The following ZBTB20 variants were observed in gnomAD, a reference collection of about 807,000 sequenced individuals.
ZBTB20 encodes the protein zinc finger and BTB domain-containing protein 20.
In ZBTB20, 9 loss-of-function variants were observed where a neutral mutation model predicts 56.9. The ratio of observed to expected loss-of-function variants is 0.16; its 90% CI spans 0.10 to 0.28. ZBTB20 has a LOEUF of 0.28. Among genes scored for constraint, ZBTB20 ranks in the 10% least tolerant of loss-of-function variants. ZBTB20 has a pLI of 1.00. For synonymous variants in ZBTB20, 417 were observed against 420.7 expected (o/e 0.99, Z 0.11); for missense variants, 655 against 1,003.0 (o/e 0.65, Z 4.69).
In ZBTB20 at chr3:114,380,944, T is replaced by A; in HGVS notation, c.-153-4A>T. 2.0e-6 allele frequency: 1 copy of A among 493,254 alleles called. No individual in the cohort carries two copies. Among genetic ancestry groups the A allele is most frequent in the Non-Finnish European group, 3.3e-6 (1 of 301,130 alleles). 30.6% of individuals were successfully genotyped at this position (493,254 alleles called of 1,614,324 possible). On this transcript the variant is annotated splice_polypyrimidine_tract_variant and splice_region_variant and intron_variant, in intron 8 of 11. Transcript: ENST00000675478. ...CTCTGGGCTTCAGTTTCCTCATCTG[T>A]AAAATAAAGGGCTTGGATTAGAAGG...
chr3:114,888,045 C>T (rs2076665418), intron 4 of ZBTB20, among the ~76,000 whole-genome samples: 1 of 151,208 alleles, frequency 6.6e-6, no homozygotes, highest in African/African-American at 2.4e-5. Flanking sequence ...TCTTCTGATC[C>T]AATCCTTTCA....
chr3:114,500,531 T>C (rs143706685), intron 6 of ZBTB20, 140 bp from the exon 7 acceptor site: 4 of 152,334 alleles, frequency 2.6e-5, no homozygotes, highest in East Asian at 1.9e-4. Context: ...TAAAGGAGCC[T>C]ATTTTGTCAC....
intron 6 of ZBTB20, among the ~76,000 whole-genome samples, chr3:114,690,673 T>G (rs76506024): frequency 0.057 from 8,658 of 152,232 alleles, 335 homozygotes; most frequent in Middle Eastern, 0.14. Flanking sequence ...CCCAAACATG[T>G]TGTTTAAAAA....
intron 5 of ZBTB20, among the ~76,000 whole-genome samples, chr3:114,700,106 C>T (rs2108368339): frequency 6.6e-6 from 1 of 152,058 alleles, no homozygotes; most frequent in East Asian, 1.9e-4. Flanking sequence ...GTTGCTTCTC[C>T]TTTTCCTTGT....
chr3:114,800,286 A>G (rs1327197410), intron 5 of ZBTB20, among the ~76,000 whole-genome samples: 1 of 151,852 alleles, frequency 6.6e-6, no homozygotes, highest in Non-Finnish European at 1.5e-5. Context: ...TTCACCAACT[A>G]TAAGCTTCTG....
chr3:114,367,753 T>C (rs1159054068), intron 10 of ZBTB20, among the ~76,000 whole-genome samples: 2 of 151,448 alleles, frequency 1.3e-5, no homozygotes, highest in Non-Finnish European at 1.5e-5. Context: ...AATAAGATTA[T>C]GCATATTAGT....
intron 2 of ZBTB20, among the ~76,000 whole-genome samples, chr3:114,998,028 G>A (rs1392007539): frequency 6.6e-6 from 1 of 151,642 alleles, no homozygotes; most frequent in African/African-American, 2.4e-5. Flanking sequence ...AGCATGTTTT[G>A]ATATAACTAT....
intron 6 of ZBTB20, among the ~76,000 whole-genome samples, chr3:114,677,956 T>G: frequency 6.6e-6 from 1 of 152,222 alleles, no homozygotes; most frequent in Non-Finnish European, 1.5e-5. Flanking sequence ...GGCAAGGAAC[T>G]GTTTTAATTA....
chr3:114,326,111 C>T lies in ZBTB20; in HGVS notation c.*12894G>A, dbSNP rs1461363698. ...GAAATGGCTAGAAAAGCAACAACTA[C>T]AATGATAAAAATCAACAGATCAATT... On this transcript the variant is annotated 3_prime_UTR_variant, in exon 12 of 12. Transcript: ENST00000675478. The T allele has an allele frequency of 1.3e-5, 2 of 152,162 alleles. No homozygotes were observed. Among genetic ancestry groups the T allele is most frequent in the African/African-American group, 4.8e-5 (2 of 41,442 alleles). The allele number at this position is 152,162 out of a possible 1,614,324, so 9.4% of individuals were successfully genotyped here.
At chr3:114,996,896 T>C (rs1216578083) in intron 2 of ZBTB20, among the ~76,000 whole-genome samples, 1 of 151,960 alleles carries the variant, frequency 6.6e-6, no homozygotes, top group African/African-American at 2.4e-5. Context: ...TCATCATCAC[T>C]GGTCATTAGA....
chr3:114,636,217 T>C (rs1489266224), intron 6 of ZBTB20, among the ~76,000 whole-genome samples: 1 of 152,072 alleles, frequency 6.6e-6, no homozygotes, highest in African/African-American at 2.4e-5. Context: ...AAAGAAGAGG[T>C]AAAGACTTTC....
In ZBTB20 at chr3:115,036,571, C is replaced by T. The variant is rs1010362094; in HGVS notation, c.-507+34648G>A. Among the ~76,000 whole-genome samples the T allele has an allele frequency of 3.7e-4, 57 of 152,170 alleles. 1 individual carries two copies. The highest frequency in any genetic ancestry group is 1.4e-3 in the African/African-American group (57 of 41,448). ...CTGGGACTACAGGTGCGTGCCATCACGCCCAGCTAACTTTTGTATTTTTAG... is the reference window on the plus strand; with the variant it reads ...CTGGGACTACAGGTGCGTGCCATCATGCCCAGCTAACTTTTGTATTTTTAG... On this transcript the variant is annotated intron_variant, in intron 2 of 11. Transcript: ENST00000675478.
At chr3:114,708,228 C>T (rs903397465) in intron 5 of ZBTB20, among the ~76,000 whole-genome samples, 2 of 152,052 alleles carry the variant, frequency 1.3e-5, no homozygotes, top group Non-Finnish European at 2.9e-5. Flanking sequence ...TAAGTGTTAA[C>T]CTTAAGGTAA....
intron 6 of ZBTB20, among the ~76,000 whole-genome samples, chr3:114,565,687 T>C (rs555066836): frequency 6.6e-6 from 1 of 152,344 alleles, no homozygotes; most frequent in African/African-American, 2.4e-5. Context: ...TTCTCCAGTA[T>C]ACCATGCGGT....
chr3:115,090,257 C>G (rs758184331), intron 1 of ZBTB20, among the ~76,000 whole-genome samples: 5 of 151,674 alleles, frequency 3.3e-5, no homozygotes, highest in Admixed American at 6.6e-5. Context: ...AATAATGGAG[C>G]TCAGAAATTT....
intron 7 of ZBTB20, among the ~76,000 whole-genome samples, chr3:114,499,075 G>T (rs1036909057): frequency 1.3e-5 from 2 of 152,170 alleles, no homozygotes; most frequent in African/African-American, 4.8e-5. Flanking sequence ...GGTAACTGAG[G>T]GGAGGGCTGT....
intron 6 of ZBTB20, among the ~76,000 whole-genome samples, chr3:114,597,150 T>C (rs947955699): frequency 2.6e-5 from 4 of 152,192 alleles, no homozygotes; most frequent in Admixed American, 6.6e-5. Flanking sequence ...GAAATCTATT[T>C]TATGCCAAGA....
chr3:115,046,925 C>A (rs552488721), intron 2 of ZBTB20, among the ~76,000 whole-genome samples: 163 of 152,256 alleles, frequency 1.1e-3, no homozygotes, highest in African/African-American at 3.8e-3. Context: ...ATTCACAGAA[C>A]AAATGCCAAG....
At chr3:115,000,739 G>A (rs898850511) in intron 2 of ZBTB20, among the ~76,000 whole-genome samples, 2 of 151,480 alleles carry the variant, frequency 1.3e-5, no homozygotes, top group South Asian at 4.1e-4. Context: ...AATTTACCAG[G>A]TTCCAAATGC....
Sources: gnomAD v4.1 joint callset for allele counts (sites outside exome capture counted in the v4.1 genomes callset) on GRCh38, gnomAD v4.1.1 for gene constraint, MANE v1.5 for transcripts, NCBI Gene and HGNC (gene_info 2026-07-23, HGNC 2026-07-21) for gene names.